The following PCYT1A variants were observed in gnomAD, a reference collection of about 807,000 sequenced individuals.
PCYT1A encodes phosphate cytidylyltransferase 1A, choline, also known as choline-phosphate cytidylyltransferase A.
In PCYT1A, 25 loss-of-function variants were observed where a neutral mutation model predicts 43.7. That is an observed-to-expected ratio of 0.57 (90% CI 0.42 to 0.80). The LOEUF is 0.80. PCYT1A is among the 30% of genes least tolerant of loss of function. The pLI, the probability that PCYT1A is intolerant of heterozygous loss-of-function variation, is 0.00. For missense variants in PCYT1A, 421 were observed against 474.2 expected (o/e 0.89, Z 1.04); for synonymous variants, 172 against 170.7 (o/e 1.01, Z -0.06).
chr3:196,263,185 T>C (rs1725166430), intron 2 of PCYT1A, among the ~76,000 whole-genome samples: 1 of 152,152 alleles, frequency 6.6e-6, no homozygotes, highest in Non-Finnish European at 1.5e-5. Context: ...GTATTAATGA[T>C]AAAGGGTCCT....
intron 2 of PCYT1A, among the ~76,000 whole-genome samples, chr3:196,263,476 C>G (rs977013074): frequency 6.6e-6 from 1 of 152,116 alleles, no homozygotes; most frequent in Non-Finnish European, 1.5e-5. Flanking sequence ...TTCCACCTCC[C>G]AAGGCGCTTG....
chr3:196,259,812 T>A, intron 2 of PCYT1A, among the ~76,000 whole-genome samples: 1 of 136,394 alleles, frequency 7.3e-6, no homozygotes, highest in African/African-American at 2.8e-5. Context: ...CCCACTGCAC[T>A]CCAGCCTGGG....
At chr3:196,246,520 G>C (rs906168531) in intron 5 of PCYT1A, among the ~76,000 whole-genome samples, 8 of 152,204 alleles carry the variant, frequency 5.3e-5, no homozygotes, top group African/African-American at 1.9e-4. Context: ...ACAGGCGTGA[G>C]CCACTGCACC....
At chr3:196,266,563 T>C (rs1725280221) in intron 2 of PCYT1A, among the ~76,000 whole-genome samples, 1 of 151,790 alleles carries the variant, frequency 6.6e-6, no homozygotes, top group South Asian at 2.1e-4. Flanking sequence ...TAGTATGTGA[T>C]ATATGATGGA....
chr3:196,264,389 C>T (rs1047380698), intron 2 of PCYT1A, among the ~76,000 whole-genome samples: 3 of 152,140 alleles, frequency 2.0e-5, no homozygotes, highest in African/African-American at 4.8e-5. Flanking sequence ...CATGCCCAGC[C>T]GATTTTACCT....
At chr3:196,274,718 T>C (rs1725538765) in intron 1 of PCYT1A, among the ~76,000 whole-genome samples, 1 of 152,170 alleles carries the variant, frequency 6.6e-6, no homozygotes, top group African/African-American at 2.4e-5. Context: ...CTTACTTTCT[T>C]TCCTCCGGCT....
chr3:196,248,605 C>G (rs1162674964), intron 3 of PCYT1A, among the ~76,000 whole-genome samples: 1 of 152,036 alleles, frequency 6.6e-6, no homozygotes, highest in African/African-American at 2.4e-5. Context: ...TTCCTGGTCT[C>G]AAATGACCCG....
intron 7 of PCYT1A, chr3:196,241,383 G>T: frequency 7.2e-6 from 3 of 418,204 alleles, no homozygotes; most frequent in Non-Finnish European, 1.3e-5. Context: ...ATGGGGTCTC[G>T]CTATGTTGCC....
Position 196,247,833 on chromosome 3 carries a change from C to T in PCYT1A, c.335-315G>A, listed in dbSNP as rs1724618839. 1 of 522,082 alleles carries T rather than the reference C, an allele frequency of 1.9e-6. No individual in the cohort carries two copies. The allele number at this position is 522,082 out of a possible 1,614,324, so 32.3% of individuals were successfully genotyped here. A position where few individuals can be genotyped will look rare whatever the true frequency, so the allele number is the denominator to read the frequency against. ...CAATTAAGTCCTTAAACATGTTTTC[C>T]TGTTTTATTCACACTGGACTGGACC... is the stretch of plus-strand genomic sequence containing the variant. On this transcript the variant is annotated intron_variant, in intron 4 of 8. Transcript: ENST00000431016. The surrounding 1 kb of genome is among the most constrained non-coding windows in gnomAD (Gnocchi z 4.8).
Position 196,242,687 on chromosome 3 carries a change from G to T in PCYT1A, c.487-47C>A. 8.0e-7 allele frequency: 1 copy of T among 1,256,780 alleles called. No individual in the cohort carries two copies. Among genetic ancestry groups the T allele is most frequent in the Non-Finnish European group, 1.2e-6 (1 of 854,274 alleles). 77.9% of individuals were successfully genotyped at this position (1,256,780 alleles called of 1,614,324 possible). A position where few individuals can be genotyped will look rare whatever the true frequency, so the allele number is the denominator to read the frequency against. ...TAAAACCCATGATAACTGCCATTCA[G>T]AAAGACCCAGTCAATGTTCTCAGGC... On this transcript the variant is annotated intron_variant, in intron 5 of 8. Transcript: ENST00000431016. This position sits in a 1 kb window ranked among gnomAD's most constrained non-coding sequence, Gnocchi z 4.2.
rs1414218259 is a variant in PCYT1A, at chr3:196,247,007, G to A, written c.486+360C>T. 6.6e-6 allele frequency among the ~76,000 whole-genome samples: 1 copy of A among 151,532 alleles called. No individual in the cohort carries two copies. Among genetic ancestry groups the A allele is most frequent in the Non-Finnish European group, 1.5e-5 (1 of 67,932 alleles). On this transcript the variant is annotated intron_variant, in intron 5 of 8. Transcript: ENST00000431016. The surrounding 1 kb of genome is among the most constrained non-coding windows in gnomAD (Gnocchi z 4.8). Reference sequence around the variant, plus strand: ...GCGAGTTCAGTTCCCAGCCCTGCCAGTGGTGTAACTTGTGGCGAGTTCAGT... The same window carrying A: ...GCGAGTTCAGTTCCCAGCCCTGCCAATGGTGTAACTTGTGGCGAGTTCAGT...
chr3:196,258,301 AG>A (rs1315783523), intron 2 of PCYT1A, among the ~76,000 whole-genome samples: 1 of 151,344 alleles, frequency 6.6e-6, no homozygotes, highest in African/African-American at 2.4e-5. Context: ...AAAAAAAAAA[AG>A]AGTTTTTGTT....
chr3:196,261,721 C>T (rs1170991188), intron 2 of PCYT1A, among the ~76,000 whole-genome samples: 4 of 150,338 alleles, frequency 2.7e-5, no homozygotes, highest in East Asian at 2.0e-4. Flanking sequence ...ACTCGGGATG[C>T]GGAGGTTGCA....
Position 196,238,914 on chromosome 3 carries a change from G to A in PCYT1A, c.898-20C>T, listed in dbSNP as rs955046061. The stretch of plus-strand genomic sequence containing the variant: ...ATGTTTCTGCAGAAACCGAAAGGAA[G>A]AGTCAGAAAAACACCGTGGATCCTA... On this transcript the variant is annotated intron_variant, in intron 8 of 8. Coordinates refer to ENST00000431016, the MANE Select transcript of PCYT1A (RefSeq NM_001312673.2). The A allele has an allele frequency of 2.2e-6, 3 of 1,386,662 alleles. No homozygotes were observed. The African/African-American group carries it at 4.5e-5, about 21-fold the overall frequency. The allele number at this position is 1,386,662 out of a possible 1,614,324, so 85.9% of individuals were successfully genotyped here. A position where few individuals can be genotyped will look rare whatever the true frequency, so the allele number is the denominator to read the frequency against.
chr3:196,239,487 A>T, intron 8 of PCYT1A, 60 bp downstream of exon 8: 1 of 1,117,532 alleles, frequency 8.9e-7, no homozygotes, highest in Non-Finnish European at 1.3e-6. Context: ...CTGCTCAATG[A>T]TTCTGTCATT....
In PCYT1A at chr3:196,237,787, C is replaced by T. The variant is rs569922723; in HGVS notation, c.*901G>A. ...CAAATAGGAGTAGCAGGGCCAGGCA[C>T]TTACTCCCAGTAGGAAACTAATCTC... On this transcript the variant is annotated 3_prime_UTR_variant, in exon 9 of 9. Transcript: ENST00000431016. 3 of 152,326 alleles carry T rather than the reference C, an allele frequency of 2.0e-5. No homozygotes were observed. In the South Asian group the frequency reaches 6.2e-4, roughly 32 times the overall value. 9.4% of individuals were successfully genotyped at this position (152,326 alleles called of 1,614,324 possible). A position where few individuals can be genotyped will look rare whatever the true frequency, so the allele number is the denominator to read the frequency against.
intron 3 of PCYT1A, among the ~76,000 whole-genome samples, chr3:196,254,001 A>G (rs1225276531): frequency 6.7e-6 from 1 of 149,582 alleles, no homozygotes; most frequent in Non-Finnish European, 1.5e-5. Flanking sequence ...TATATTACAT[A>G]TGTATATATG....
chr3:196,269,141 T>A (rs1725362190), intron 2 of PCYT1A, among the ~76,000 whole-genome samples: 1 of 152,252 alleles, frequency 6.6e-6, no homozygotes, highest in Non-Finnish European at 1.5e-5. Flanking sequence ...TATCCAGAAC[T>A]GTAAGATAAT....
rs1273137810 is a variant in PCYT1A, at chr3:196,242,341, A to C, written c.565+221T>G. 3 of 673,240 alleles carry C rather than the reference A, an allele frequency of 4.5e-6. No individual in the cohort carries two copies. Among genetic ancestry groups the C allele is most frequent in the African/African-American group, 1.8e-5 (1 of 55,866 alleles). The allele number at this position is 673,240 out of a possible 1,614,324, so 41.7% of individuals were successfully genotyped here. A position where few individuals can be genotyped will look rare whatever the true frequency, so the allele number is the denominator to read the frequency against. ...AAAGGGTTTCCTGAAATTAAGAGAG[A>C]TATCCAAAGTAGATGTTTAGACCAA... On this transcript the variant is annotated intron_variant, in intron 6 of 8. Coordinates refer to ENST00000431016, the MANE Select transcript of PCYT1A (RefSeq NM_001312673.2). This position sits in a 1 kb window ranked among gnomAD's most constrained non-coding sequence, Gnocchi z 4.2.
Sources: allele counts gnomAD v4.1 joint callset (sites outside exome capture counted in the v4.1 genomes callset), GRCh38; gene constraint gnomAD v4.1.1; non-coding constraint Gnocchi (gnomAD v3.1); transcripts MANE v1.5; gene names NCBI Gene and HGNC (gene_info 2026-07-23, HGNC 2026-07-21).